NUDCD3: variants seen among roughly 807,000 people sequenced by gnomAD.
NUDCD3 encodes NudC domain containing 3, also known as nudC domain-containing protein 3.
NUDCD3 carries 13 observed loss-of-function variants against 39.7 expected under a neutral mutation model. That is an observed-to-expected ratio of 0.33 (90% CI 0.21 to 0.52). NUDCD3 has a LOEUF of 0.52. Among genes scored for constraint, NUDCD3 ranks in the 20% least tolerant of loss-of-function variants. NUDCD3 has a pLI of 0.96. For synonymous variants in NUDCD3, 175 were observed against 172.4 expected, an observed-to-expected ratio of 1.02 and a Z score of -0.12; for missense variants, 453 against 458.1, an observed-to-expected ratio of 0.99 and a Z score of 0.10.
intron 2 of NUDCD3, among the ~76,000 whole-genome samples, chr7:44,479,945 T>TC (rs1800453250): frequency 6.6e-6 from 1 of 152,202 alleles, no homozygotes; most frequent in African/African-American, 2.4e-5. Flanking sequence ...TGCCACAACT[T>TC]CCTGTTTTGT....
At chr7:44,449,469 C>G (rs575071470) in intron 2 of NUDCD3, among the ~76,000 whole-genome samples, 10 of 152,196 alleles carry the variant, frequency 6.6e-5, no homozygotes, top group African/African-American at 2.2e-4. Context: ...CTGGGTGGAA[C>G]TGAAGACAAA....
At chr7:44,486,722 A>ATC (rs895264139) in intron 1 of NUDCD3, among the ~76,000 whole-genome samples, 2 of 152,074 alleles carry the variant, frequency 1.3e-5, no homozygotes, top group African/African-American at 4.8e-5. Context: ...AAGCAACAAG[A>ATC]TCTCTCTCTC....
intron 2 of NUDCD3, chr7:44,467,773 T>C: frequency 1.5e-6 from 1 of 675,718 alleles, no homozygotes; most frequent in Non-Finnish European, 2.5e-6. Flanking sequence ...AGCCCTTTAA[T>C]TGTTATCACC....
intron 2 of NUDCD3, among the ~76,000 whole-genome samples, chr7:44,432,601 G>C (rs758587512): frequency 1.3e-5 from 2 of 152,166 alleles, no homozygotes; most frequent in Non-Finnish European, 2.9e-5. Context: ...CGCCCCCTGG[G>C]GCTCAGTGAT....
Position 44,392,381 on chromosome 7 carries a change from C to T in NUDCD3, c.891G>A (p.Val297=). 2.5e-6 allele frequency: 4 copies of T among 1,614,210 alleles called. No individual in the cohort carries two copies. The highest frequency in any genetic ancestry group is 3.4e-6 in the Non-Finnish European group (4 of 1,180,034). The part of the protein sequence containing the change: ...KINKERSMAT[V]DEEEQAVLDR... Reference sequence around the variant, plus strand: ...CCAACACCGCCTGTTCCTCCTCATCCACGGTGGCCATGGAGCGCTCCTTGT... The same window carrying T: ...CCAACACCGCCTGTTCCTCCTCATCTACGGTGGCCATGGAGCGCTCCTTGT... The change falls in exon 5 of 6, where the codon GTG becomes GTA. Residue 297 remains valine (V), a synonymous_variant. Transcript: ENST00000355451.
chr7:44,455,272 C>A (rs1158803012), intron 2 of NUDCD3, among the ~76,000 whole-genome samples: 1 of 152,086 alleles, frequency 6.6e-6, no homozygotes, highest in Non-Finnish European at 1.5e-5. Context: ...TTCTTATGTG[C>A]ATAAAGAGCA....
intron 4 of NUDCD3, among the ~76,000 whole-genome samples, chr7:44,395,670 A>G (rs12154938): frequency 2.0e-5 from 3 of 150,450 alleles, no homozygotes; most frequent in Non-Finnish European, 4.4e-5. Flanking sequence ...GGAATAATAC[A>G]GTTATCTGTT....
chr7:44,393,114 G>A (rs1192221387), intron 4 of NUDCD3, among the ~76,000 whole-genome samples: 1 of 151,920 alleles, frequency 6.6e-6, no homozygotes, highest in Non-Finnish European at 1.5e-5. Flanking sequence ...TCCTCACTGG[G>A]GCCAAGCTTG....
intron 5 of NUDCD3, among the ~76,000 whole-genome samples, chr7:44,387,302 G>A (rs1010054560): frequency 6.6e-6 from 1 of 152,094 alleles, no homozygotes; most frequent in Non-Finnish European, 1.5e-5. Flanking sequence ...TTAAAACTAT[G>A]GGTGCAGTCC....
chr7:44,455,209 T>C (rs1036224800), intron 2 of NUDCD3, among the ~76,000 whole-genome samples: 2 of 152,062 alleles, frequency 1.3e-5, no homozygotes, highest in African/African-American at 4.8e-5. Flanking sequence ...AACTGTCTGC[T>C]GGTCACTTGC....
At chr7:44,455,268 T>C (rs1165836428) in intron 2 of NUDCD3, among the ~76,000 whole-genome samples, 1 of 152,114 alleles carries the variant, frequency 6.6e-6, no homozygotes, top group Admixed American at 6.5e-5. Flanking sequence ...ATGCTTCTTA[T>C]GTGCATAAAG....
At chr7:44,460,263 G>A (rs1023382195) in intron 2 of NUDCD3, among the ~76,000 whole-genome samples, 1 of 152,182 alleles carries the variant, frequency 6.6e-6, no homozygotes, top group Admixed American at 6.5e-5. Flanking sequence ...AGTTAACAAA[G>A]TAGGAAATAA....
chr7:44,441,937 C>T lies in NUDCD3; in HGVS notation c.510-14234G>A, dbSNP rs75328708. Among the ~76,000 whole-genome samples, 1,059 of 152,238 alleles carry T rather than the reference C, an allele frequency of 7.0e-3. 6 individuals carry two copies. The highest frequency in any genetic ancestry group is 0.024 in the African/African-American group (989 of 41,538). ...CAGTGTCCCACACAAACTCCTTGAT[C>T]CACAGCCACAGCACTGGCTCAGGGC... On this transcript the variant is annotated intron_variant, in intron 2 of 5. Transcript: ENST00000355451.
chr7:44,477,145 AGG>A (rs1800388157), intron 2 of NUDCD3, among the ~76,000 whole-genome samples: 1 of 152,156 alleles, frequency 6.6e-6, no homozygotes, highest in South Asian at 2.1e-4. Context: ...TTGTCCTAGA[AGG>A]GGTTAATATG....
chr7:44,430,554 C>CCACACA (rs748912083), intron 2 of NUDCD3, among the ~76,000 whole-genome samples: 1,473 of 140,810 alleles, frequency 0.01, 18 homozygotes, highest in African/African-American at 0.018. Context: ...AATAAAATAC[C>CCACACA]CACACACACA....
chr7:44,427,202 T>A (rs576778930), intron 3 of NUDCD3, among the ~76,000 whole-genome samples: 1 of 152,238 alleles, frequency 6.6e-6, no homozygotes, highest in East Asian at 1.9e-4. Flanking sequence ...ACCAAGGTAA[T>A]AATGTTTGAG....
At chr7:44,458,217 G>T (rs1384038234) in intron 2 of NUDCD3, among the ~76,000 whole-genome samples, 1 of 152,138 alleles carries the variant, frequency 6.6e-6, no homozygotes, top group African/African-American at 2.4e-5. Context: ...AGACACAAAG[G>T]CCACATAATG....
At chr7:44,472,134 A>G (rs1585102831) in intron 2 of NUDCD3, among the ~76,000 whole-genome samples, 1 of 152,198 alleles carries the variant, frequency 6.6e-6, no homozygotes. Context: ...AGTGGCTGCC[A>G]GTTCCATCCT....
At chr7:44,420,727 G>T (rs1799121696) in intron 3 of NUDCD3, among the ~76,000 whole-genome samples, 1 of 152,128 alleles carries the variant, frequency 6.6e-6, no homozygotes, top group African/African-American at 2.4e-5. Flanking sequence ...TTTAAACACA[G>T]AATTTCATAT....
Sources: gnomAD v4.1 joint callset for allele counts (sites outside exome capture counted in the v4.1 genomes callset) on GRCh38, gnomAD v4.1.1 for gene constraint, MANE v1.5 for transcripts, NCBI Gene and HGNC (gene_info 2026-07-23, HGNC 2026-07-21) for gene names.